The following RAPGEF4 variants were observed in gnomAD, a reference collection of about 807,000 sequenced individuals.
RAPGEF4 encodes the protein Rap guanine nucleotide exchange factor 4, also known as RAP guanine-nucleotide-exchange factor (GEF) 4.
RAPGEF4 carries 66 observed loss-of-function variants against 147.9 expected under a neutral mutation model. That is an observed-to-expected ratio of 0.45 (90% confidence interval 0.37 to 0.55). The LOEUF (loss-of-function observed/expected upper bound fraction) is 0.55, where lower values mean the gene tolerates loss of function less well. RAPGEF4 is among the 20% of genes least tolerant of loss of function. RAPGEF4 has a pLI of 0.00. For synonymous variants in RAPGEF4, 419 were observed against 442.7 expected, an observed-to-expected ratio of 0.95 and a Z score of 0.67; for missense variants, 1,071 against 1,257.3, an observed-to-expected ratio of 0.85 and a Z score of 2.24.
chr2:172,947,979 G>C (rs1203054740), intron 6 of RAPGEF4, among the ~76,000 whole-genome samples: 1 of 152,108 alleles, frequency 6.6e-6, no homozygotes, highest in African/African-American at 2.4e-5. Context: ...CCACTATCCT[G>C]CCTTCCAAGG....
chr2:172,736,388 T>A (rs924447721), intron 1 of RAPGEF4, among the ~76,000 whole-genome samples: 2 of 152,094 alleles, frequency 1.3e-5, no homozygotes, highest in East Asian at 3.9e-4. Flanking sequence ...GACAGAAGAA[T>A]CGATGCATAC....
intron 17 of RAPGEF4, among the ~76,000 whole-genome samples, chr2:173,005,511 T>TTTTG (rs1412479643): frequency 0.01 from 1,436 of 139,266 alleles, 48 homozygotes; most frequent in African/African-American, 0.037. Context: ...GTTGTTGTTG[T>TTTTG]TGTTTTGTGT....
intron 4 of RAPGEF4, among the ~76,000 whole-genome samples, chr2:172,876,143 T>A (rs1695891060): frequency 6.6e-6 from 1 of 152,188 alleles, no homozygotes; most frequent in Admixed American, 6.5e-5. Flanking sequence ...TTAAGGAGAT[T>A]TTGGGCTGAG....
chr2:172,911,030 C>T (rs1182433174), intron 4 of RAPGEF4, among the ~76,000 whole-genome samples: 1 of 152,174 alleles, frequency 6.6e-6, no homozygotes, highest in East Asian at 1.9e-4. Flanking sequence ...TGCCTCAGTC[C>T]ACTGTCTGGC....
At chr2:172,831,385 C>T (rs888258203) in intron 4 of RAPGEF4, among the ~76,000 whole-genome samples, 4 of 147,126 alleles carry the variant, frequency 2.7e-5, no homozygotes, top group African/African-American at 1.0e-4. Context: ...TCTCCCGCCT[C>T]AGCCTCCTGA....
chr2:172,937,953 C>T (rs910618928), intron 6 of RAPGEF4, among the ~76,000 whole-genome samples: 3 of 152,096 alleles, frequency 2.0e-5, no homozygotes, highest in Non-Finnish European at 4.4e-5. Context: ...GACACACTCC[C>T]ATCACTATGC....
chr2:172,860,101 A>G, intron 4 of RAPGEF4: 9 of 985,440 alleles, frequency 9.1e-6, no homozygotes, highest in Non-Finnish European at 1.1e-5. Flanking sequence ...CATACGCAGA[A>G]ACATTAGTGC....
chr2:173,027,282 G>A (rs1248780667), intron 25 of RAPGEF4, 23 bp downstream of exon 25: 4 of 1,528,706 alleles, frequency 2.6e-6, no homozygotes, highest in Admixed American at 2.2e-5. Flanking sequence ...AGCTTGGAAA[G>A]AGAAAAAAAA....
chr2:172,967,146 C>A lies in RAPGEF4; in HGVS notation c.821-115C>A. On this transcript the variant is annotated intron_variant, in intron 9 of 30. Transcript: ENST00000397081. ...GGGCAGAGTGAGAAGGGCGAGGAGGCTCCCGGCTTTGCTGCCACTTGGCCC... is the reference window on the plus strand; with the variant it reads ...GGGCAGAGTGAGAAGGGCGAGGAGGATCCCGGCTTTGCTGCCACTTGGCCC... 2 of 1,022,310 alleles carry A rather than the reference C, an allele frequency of 2.0e-6. 1 individual carries two copies. Among genetic ancestry groups the A allele is most frequent in the South Asian group, 3.2e-5 (2 of 62,720 alleles). 63.3% of individuals were successfully genotyped at this position (1,022,310 alleles called of 1,614,324 possible). A position where few individuals can be genotyped will look rare whatever the true frequency, so the allele number is the denominator to read the frequency against.
chr2:172,864,105 A>G (rs1694345409), intron 4 of RAPGEF4, among the ~76,000 whole-genome samples: 2 of 152,190 alleles, frequency 1.3e-5, no homozygotes, highest in South Asian at 4.1e-4. Flanking sequence ...CATTATGAAA[A>G]GTAGGATTTT....
At chr2:172,773,016 T>G (rs1472019722) in intron 1 of RAPGEF4, among the ~76,000 whole-genome samples, 1 of 152,230 alleles carries the variant, frequency 6.6e-6, no homozygotes, top group Non-Finnish European at 1.5e-5. Flanking sequence ...TGTGAATGAC[T>G]GGATTATTCT....
At position 173,005,969 on chromosome 2, in the gene RAPGEF4, T is replaced by TTC. The variant is rs1694439105; in HGVS notation, c.1658+4625_1658+4626insTC. ...GGTTGATTTGCCAACATTCATGCCT[T>TTC]ATTACTCGGTATTCTAGCCACTCGT... On this transcript the variant is annotated intron_variant, in intron 17 of 30. Transcript: ENST00000397081. 1.5e-3 allele frequency among the ~76,000 whole-genome samples: 3 copies of TTC among 1,988 alleles called. No individual in the cohort carries two copies. The Admixed American group carries it at 0.034, about 23-fold the overall frequency. 1.3% of individuals were successfully genotyped at this position (1,988 alleles called of 152,430 possible).
intron 6 of RAPGEF4, among the ~76,000 whole-genome samples, chr2:172,955,043 A>G (rs1433331800): frequency 1.3e-5 from 2 of 152,072 alleles, no homozygotes; most frequent in African/African-American, 4.8e-5. Flanking sequence ...TTTTTACCGC[A>G]CTGGTTTGGC....
intron 4 of RAPGEF4, among the ~76,000 whole-genome samples, chr2:172,915,499 C>T (rs947669518): frequency 2.0e-5 from 3 of 151,178 alleles, no homozygotes; most frequent in Admixed American, 6.6e-5. Flanking sequence ...CTCAGAAGTT[C>T]GACACCAGCC....
At chr2:172,792,703 A>G (rs1456635762) in intron 1 of RAPGEF4, among the ~76,000 whole-genome samples, 2 of 152,204 alleles carry the variant, frequency 1.3e-5, no homozygotes, top group African/African-American at 4.8e-5. Flanking sequence ...TCATCTACTC[A>G]TGTCCTCTGA....
intron 6 of RAPGEF4, among the ~76,000 whole-genome samples, chr2:172,947,249 G>A (rs1412411959): frequency 2.0e-5 from 3 of 152,120 alleles, no homozygotes; most frequent in African/African-American, 7.2e-5. Context: ...TGCTTTGGCA[G>A]GTACAGCTAG....
At chr2:172,979,819 C>T (rs571604518) in intron 10 of RAPGEF4, among the ~76,000 whole-genome samples, 14 of 152,224 alleles carry the variant, frequency 9.2e-5, no homozygotes, top group African/African-American at 3.4e-4. Context: ...AGTTAAGAGA[C>T]CAGCCTGGCC....
intron 1 of RAPGEF4, among the ~76,000 whole-genome samples, chr2:172,750,851 T>C (rs1273101239): frequency 6.6e-6 from 1 of 152,238 alleles, no homozygotes; most frequent in Admixed American, 6.5e-5. Context: ...TTTTTTGGTA[T>C]CAAATTATAT....
chr2:172,997,532 C>T (rs1693490123), intron 16 of RAPGEF4, among the ~76,000 whole-genome samples: 1 of 152,152 alleles, frequency 6.6e-6, no homozygotes, highest in Non-Finnish European at 1.5e-5. Context: ...CACAGAAATT[C>T]TAGGGTGAAT....
Sources: gnomAD v4.1 joint callset for allele counts (sites outside exome capture counted in the v4.1 genomes callset) on GRCh38, gnomAD v4.1.1 for gene constraint, MANE v1.5 for transcripts, NCBI Gene and HGNC (gene_info 2026-07-23, HGNC 2026-07-21) for gene names.